XPO6: variants seen among roughly 807,000 people sequenced by gnomAD.
XPO6 encodes exportin 6, also known as exportin-6.
XPO6 carries 3 observed loss-of-function variants against 130.0 expected under a neutral mutation model. The ratio of observed to expected loss-of-function variants is 0.02; its 90% CI spans 0.01 to 0.06. The LOEUF is 0.06. Among genes scored for constraint, XPO6 ranks in the 10% least tolerant of loss-of-function variants. XPO6 has a pLI of 1.00. For missense variants in XPO6, 970 were observed against 1,393.0 expected, an observed-to-expected ratio of 0.70 and a Z score of 4.83; for synonymous variants, 524 against 548.9, an observed-to-expected ratio of 0.95 and a Z score of 0.63.
intron 1 of XPO6, among the ~76,000 whole-genome samples, chr16:28,201,197 A>C (rs1205710353): frequency 6.6e-6 from 1 of 152,108 alleles, no homozygotes; most frequent in Non-Finnish European, 1.5e-5. Flanking sequence ...GAAAAAATAC[A>C]GTTATCTGAG....
intron 5 of XPO6, 39 bp from the exon 6 acceptor site, chr16:28,166,624 T>C (rs763265875): frequency 3.9e-6 from 6 of 1,554,508 alleles, no homozygotes; most frequent in South Asian, 1.2e-5. Flanking sequence ...AGAGAAATAA[T>C]GTCCAGCATA....
At chr16:28,189,521 G>A (rs2043752044) in intron 1 of XPO6, among the ~76,000 whole-genome samples, 1 of 151,988 alleles carries the variant, frequency 6.6e-6, no homozygotes, top group African/African-American at 2.4e-5. Flanking sequence ...GCCAAGCAGA[G>A]GGAAGACCGA....
intron 1 of XPO6, among the ~76,000 whole-genome samples, chr16:28,185,383 T>TAA (rs1403756703): frequency 3.3e-4 from 50 of 152,158 alleles, no homozygotes; most frequent in African/African-American, 1.2e-3. Context: ...ATAATAATAA[T>TAA]TTAAATAAGT....
intron 2 of XPO6, among the ~76,000 whole-genome samples, chr16:28,178,327 G>C (rs2141866778): frequency 6.6e-6 from 1 of 152,232 alleles, no homozygotes; most frequent in South Asian, 2.1e-4. Flanking sequence ...CCAGCACTTT[G>C]AGAAGCTGAG....
intron 1 of XPO6, among the ~76,000 whole-genome samples, chr16:28,196,023 C>T (rs2043856930): frequency 6.6e-6 from 1 of 152,148 alleles, no homozygotes; most frequent in Non-Finnish European, 1.5e-5. Context: ...TTTATTCCAC[C>T]ATGGAATGTG....
At chr16:28,114,354 T>C (rs1022528405) in intron 15 of XPO6, among the ~76,000 whole-genome samples, 1 of 152,154 alleles carries the variant, frequency 6.6e-6, no homozygotes, top group Non-Finnish European at 1.5e-5. Context: ...GAGAAAAAAG[T>C]CTGGAAGGAT....
At chr16:28,154,717 T>C (rs1353356629) in intron 7 of XPO6, 1 of 152,210 alleles carries the variant, frequency 6.6e-6, no homozygotes, top group Non-Finnish European at 1.5e-5. Flanking sequence ...GACATTTCTA[T>C]ACCATCCAAA....
chr16:28,125,540 A>G (rs2087376757), intron 13 of XPO6, 149 bp downstream of exon 13: 1 of 932,852 alleles, frequency 1.1e-6, no homozygotes, highest in Non-Finnish European at 1.6e-6. Flanking sequence ...GAGGTTAAGT[A>G]ATTTGTTCCC....
intron 8 of XPO6, among the ~76,000 whole-genome samples, chr16:28,146,696 A>G (rs1377124254): frequency 6.6e-6 from 1 of 152,196 alleles, no homozygotes; most frequent in Non-Finnish European, 1.5e-5. Flanking sequence ...AATGTAAGGA[A>G]AGTAACACTT....
At chr16:28,167,713 G>C (rs1207536745) in intron 5 of XPO6, among the ~76,000 whole-genome samples, 1 of 152,082 alleles carries the variant, frequency 6.6e-6, no homozygotes, top group Non-Finnish European at 1.5e-5. Context: ...TACAGAACCC[G>C]GAACATAAGG....
At chr16:28,205,750 C>A (rs2044018847) in intron 1 of XPO6, among the ~76,000 whole-genome samples, 1 of 152,028 alleles carries the variant, frequency 6.6e-6, no homozygotes, top group Non-Finnish European at 1.5e-5. Context: ...ATGAAAGCTG[C>A]CTTTAAGCCA....
At position 28,117,431 on chromosome 16, in the gene XPO6, A is replaced by G; in HGVS notation, c.1891T>C (p.Tyr631His). The G allele has an allele frequency of 1.2e-6, 2 of 1,614,250 alleles. No homozygotes were observed. The highest frequency in any genetic ancestry group is 1.7e-6 in the Non-Finnish European group (2 of 1,180,042). Residue 631 changes from tyrosine to histidine, a missense_variant, in exon 15 of 24, where the codon TAC becomes CAC. Around this residue, in one of 4 missense-constraint regions of XPO6, gnomAD observed 936 missense variants for 1,306.8 expected, o/e 0.72. Coordinates refer to ENST00000304658, the MANE Select transcript of XPO6 (RefSeq NM_015171.4). ...CAATACTGTGCTAACCAGTGAGAGT[A>G]AGCCTGCAGCGCAGCCAGGGACTGA... ...HAQSLAALQA[Y>H]SHWLAQYCSE... is the part of the protein sequence containing the mutation.
chr16:28,176,200 T>C (rs1415598731), intron 3 of XPO6, 105 bp from the exon 4 acceptor site: 2 of 1,062,026 alleles, frequency 1.9e-6, no homozygotes, highest in East Asian at 5.1e-5. Context: ...AGAATCCCTC[T>C]TTAAATAAAG....
intron 4 of XPO6, among the ~76,000 whole-genome samples, chr16:28,175,427 A>T (rs2043518724): frequency 1.3e-5 from 2 of 152,132 alleles, no homozygotes; most frequent in Non-Finnish European, 2.9e-5. Context: ...GCCTCTGCCC[A>T]TCAATCTAGC....
rs2141219764 is a variant in XPO6 at position 28,098,106 on chromosome 16, T to G, written c.*432A>C. ...AAATCTCTGACAAAGAGCAGAGATC[T>G]CAAGGCAATTGGGGCGGGGGAGGCT... On this transcript the variant is annotated 3_prime_UTR_variant, in exon 24 of 24. Transcript: ENST00000304658. 6.2e-6 allele frequency: 1 copy of G among 160,622 alleles called. No homozygotes were observed. Among genetic ancestry groups the G allele is most frequent in the Non-Finnish European group, 1.4e-5 (1 of 73,644 alleles). The allele number at this position is 160,622 out of a possible 1,614,324, so 9.9% of individuals were successfully genotyped here.
intron 12 of XPO6, chr16:28,126,775 A>ATT: frequency 6.6e-6 from 1 of 152,094 alleles, no homozygotes; most frequent in South Asian, 2.1e-4. Flanking sequence ...AGGAACAGAG[A>ATT]CCTGCAGGTC....
At position 28,098,480 on chromosome 16, in the gene XPO6, A is replaced by G; in HGVS notation, c.*58T>C. ...CCATCTGGGAGACATCTGTGGTGGA[A>G]GGTAGGGCTGGCGCAGGTGGCAGCA... On this transcript the variant is annotated 3_prime_UTR_variant, in exon 24 of 24. Transcript: ENST00000304658. 1 of 1,473,556 alleles carries G rather than the reference A, an allele frequency of 6.8e-7. No homozygotes were observed. 91.3% of individuals were successfully genotyped at this position (1,473,556 alleles called of 1,614,324 possible).
chr16:28,140,756 T>C (rs1343534722), intron 9 of XPO6, among the ~76,000 whole-genome samples: 1 of 151,998 alleles, frequency 6.6e-6, no homozygotes, highest in East Asian at 1.9e-4. Flanking sequence ...TAAATGCTTA[T>C]ATACACCACA....
rs11284457 is a variant in XPO6 at position 28,154,255 on chromosome 16, T to TAAAAAAA, written c.1098-1477_1098-1471dup. On this transcript the variant is annotated intron_variant, in intron 7 of 23. Transcript: ENST00000304658. ...TGCACTCAATTCCCTACTACCCATT[T>TAAAAAAA]AAAAAAAAAAAAAAAAAAAAAAAAG... 4.7e-4 allele frequency: 381 copies of TAAAAAAA among 811,708 alleles called. 5 individuals carry two copies. In the African/African-American group the frequency reaches 1.0e-2, roughly 21 times the overall value. 50.3% of individuals were successfully genotyped at this position (811,708 alleles called of 1,614,324 possible). A position where few individuals can be genotyped will look rare whatever the true frequency, so the allele number is the denominator to read the frequency against.
Sources: gnomAD v4.1 joint callset for allele counts (sites outside exome capture counted in the v4.1 genomes callset) on GRCh38, gnomAD v4.1.1 for gene constraint, gnomAD v4.1.1 regional missense constraint, MANE v1.5 for transcripts, NCBI Gene and HGNC (gene_info 2026-07-23, HGNC 2026-07-21) for gene names.